PPM1D: variants seen among roughly 807,000 people sequenced by gnomAD.
PPM1D encodes protein phosphatase 1D.
Under a neutral mutation model 58.3 loss-of-function variants are expected in PPM1D, and 52 were observed. The observed-to-expected ratio is 0.89, with a 90% CI of 0.71 to 1.12. The LOEUF (loss-of-function observed/expected upper bound fraction) is 1.12, where lower values mean the gene tolerates loss of function less well. PPM1D is among the 50% of genes most tolerant of loss of function. The probability of loss-of-function intolerance (pLI) is 0.00; values close to 1 mark genes in which losing one functional copy is unlikely to be tolerated. For missense variants in PPM1D, 564 were observed against 777.2 expected (o/e 0.73, Z 3.26); for synonymous variants, 278 against 285.1 (o/e 0.98, Z 0.25).
At chr17:60,625,716 A>G (rs1299728915) in intron 2 of PPM1D, among the ~76,000 whole-genome samples, 1 of 152,198 alleles carries the variant, frequency 6.6e-6, no homozygotes, top group Non-Finnish European at 1.5e-5. Context: ...GATAGAGGAA[A>G]ATGTTTATGG....
intron 1 of PPM1D, among the ~76,000 whole-genome samples, chr17:60,614,159 A>G (rs1226780397): frequency 2.0e-5 from 3 of 152,154 alleles, no homozygotes; most frequent in East Asian, 1.9e-4. Flanking sequence ...AAATACACCA[A>G]TCAGCACTCC....
At position 60,600,306 on chromosome 17, in the gene PPM1D, C is replaced by A; in HGVS notation, c.-109C>A. The A allele has an allele frequency of 2.1e-6, 3 of 1,460,696 alleles. No individual in the cohort carries two copies. The highest frequency in any genetic ancestry group is 2.7e-6 in the Non-Finnish European group (3 of 1,113,170). The allele number at this position is 1,460,696 out of a possible 1,614,324, so 90.5% of individuals were successfully genotyped here. On this transcript the variant is annotated 5_prime_UTR_variant, in exon 1 of 6. Coordinates refer to ENST00000305921, the MANE Select transcript of PPM1D (RefSeq NM_003620.4). ...TCTCCGGGTCCGCCCCCTCCCCCTT[C>A]TCGGCGTCGTCGAAGATAAACAATA... is the stretch of plus-strand genomic sequence containing the variant.
chr17:60,601,695 G>A (rs975209185), intron 1 of PPM1D, among the ~76,000 whole-genome samples: 3 of 152,186 alleles, frequency 2.0e-5, no homozygotes, highest in African/African-American at 7.2e-5. Flanking sequence ...ATAAGAAAAG[G>A]CAAGGAATTA....
chr17:60,642,383 AAGG>A (rs1196389636), intron 3 of PPM1D, among the ~76,000 whole-genome samples: 1 of 142,432 alleles, frequency 7.0e-6, no homozygotes, highest in African/African-American at 2.9e-5. Flanking sequence ...TTTACATTTA[AAGG>A]AGTTTAATTG....
chr17:60,645,578 A>ATGTGTG (rs1382355126), intron 3 of PPM1D, among the ~76,000 whole-genome samples: 1 of 140,278 alleles, frequency 7.1e-6, no homozygotes, highest in African/African-American at 2.8e-5. Context: ...ATATGTATAT[A>ATGTGTG]TATATGTGTG....
Position 60,627,853 on chromosome 17 carries a change from TAGTC to T in PPM1D, c.701+4110_701+4113del, listed in dbSNP as rs574391097. Among the ~76,000 whole-genome samples the T allele has an allele frequency of 7.2e-5, 11 of 152,244 alleles. No individual in the cohort carries two copies. In the East Asian group the frequency reaches 7.8e-4, roughly 11 times the overall value. ...TGCATATTCTTACATTAACAGCCAT[TAGTC>T]AGTCAATGAAGACATTAGTTGAATA... On this transcript the variant is annotated intron_variant, in intron 2 of 5. Coordinates refer to ENST00000305921, the MANE Select transcript of PPM1D (RefSeq NM_003620.4).
chr17:60,620,599 T>G (rs934622460), intron 1 of PPM1D, among the ~76,000 whole-genome samples: 6 of 152,122 alleles, frequency 3.9e-5, no homozygotes, highest in Non-Finnish European at 8.8e-5. Flanking sequence ...TGATCTCAGC[T>G]CGCTGCAATC....
At chr17:60,657,466 A>G (rs2031461310) in intron 5 of PPM1D, among the ~76,000 whole-genome samples, 2 of 152,188 alleles carry the variant, frequency 1.3e-5, no homozygotes, top group South Asian at 4.1e-4. Flanking sequence ...AATTAGCAGT[A>G]TTGATTGATA....
intron 1 of PPM1D, among the ~76,000 whole-genome samples, chr17:60,611,733 T>C (rs2030459985): frequency 6.6e-6 from 1 of 152,176 alleles, no homozygotes; most frequent in Non-Finnish European, 1.5e-5. Flanking sequence ...ATTCTTTATG[T>C]ATTTTGGATA....
At chr17:60,611,749 T>A (rs2030460244) in intron 1 of PPM1D, among the ~76,000 whole-genome samples, 1 of 152,174 alleles carries the variant, frequency 6.6e-6, no homozygotes, top group Non-Finnish European at 1.5e-5. Flanking sequence ...GGATACTAAT[T>A]CTTTGTTACA....
intron 1 of PPM1D, among the ~76,000 whole-genome samples, chr17:60,609,127 T>C (rs1312449514): frequency 6.6e-6 from 1 of 152,014 alleles, no homozygotes; most frequent in Non-Finnish European, 1.5e-5. Context: ...AGAGTCTTGC[T>C]TAATCTCCCG....
At chr17:60,610,049 G>A (rs1453718955) in intron 1 of PPM1D, among the ~76,000 whole-genome samples, 2 of 151,980 alleles carry the variant, frequency 1.3e-5, no homozygotes, top group Non-Finnish European at 2.9e-5. Flanking sequence ...GCATGGTGGT[G>A]CGCACCTGTA....
chr17:60,617,552 TA>T (rs200500505), intron 1 of PPM1D, among the ~76,000 whole-genome samples: 2,562 of 136,458 alleles, frequency 0.019, 45 homozygotes, highest in East Asian at 0.076. Context: ...ACCCTGTTGT[TA>T]AAAAAAAAAA....
At chr17:60,634,947 AT>A in intron 3 of PPM1D, among the ~76,000 whole-genome samples, 1 of 151,294 alleles carries the variant, frequency 6.6e-6, no homozygotes, top group African/African-American at 2.4e-5. Context: ...CGCCTGGCTA[AT>A]TTTTTCTTTT....
intron 1 of PPM1D, among the ~76,000 whole-genome samples, chr17:60,614,964 C>T (rs1022068406): frequency 5.3e-5 from 8 of 152,170 alleles, no homozygotes; most frequent in African/African-American, 1.9e-4. Context: ...ACCAAGAACC[C>T]ACCAATTCTG....
At chr17:60,613,765 G>A (rs1172460575) in intron 1 of PPM1D, among the ~76,000 whole-genome samples, 1 of 152,254 alleles carries the variant, frequency 6.6e-6, no homozygotes, top group Non-Finnish European at 1.5e-5. Context: ...CGGGCCACTA[G>A]CTGCAGAGGG....
chr17:60,602,929 C>T (rs2030248406), intron 1 of PPM1D, among the ~76,000 whole-genome samples: 1 of 152,054 alleles, frequency 6.6e-6, no homozygotes, highest in Admixed American at 6.6e-5. Context: ...CAGGCCAACC[C>T]CTTTCCTGTA....
At chr17:60,608,690 A>G (rs181438697) in intron 1 of PPM1D, among the ~76,000 whole-genome samples, 1 of 152,084 alleles carries the variant, frequency 6.6e-6, no homozygotes. Flanking sequence ...ATGAGGGGCA[A>G]CTGCTTCTAT....
chr17:60,633,729 G>T, intron 2 of PPM1D, 124 bp from the exon 3 acceptor site: 1 of 1,092,218 alleles, frequency 9.2e-7, no homozygotes, highest in South Asian at 1.8e-5. Context: ...CTTTGTATTT[G>T]AAACACATAA....
Sources: gnomAD v4.1 joint callset for allele counts (sites outside exome capture counted in the v4.1 genomes callset) on GRCh38, gnomAD v4.1.1 for gene constraint, MANE v1.5 for transcripts, NCBI Gene and HGNC (gene_info 2026-07-23, HGNC 2026-07-21) for gene names.